The following PRKG1 variants were observed in gnomAD, a reference collection of about 807,000 sequenced individuals.
The protein encoded by PRKG1 is protein kinase cGMP-dependent 1.
In PRKG1, 35 loss-of-function variants were observed where a neutral mutation model predicts 88.1. That is an observed-to-expected ratio of 0.40 (90% CI 0.30 to 0.53). PRKG1 has a LOEUF of 0.53. Ranked by LOEUF, PRKG1 falls within the 20% of genes least tolerant of loss-of-function variation. The probability of loss-of-function intolerance (pLI) is 0.59; values close to 1 mark genes in which losing one functional copy is unlikely to be tolerated. For synonymous variants in PRKG1, 303 were observed against 292.5 expected (o/e 1.04, Z -0.37); for missense variants, 540 against 839.8 (o/e 0.64, Z 4.41).
At chr10:51,264,982 G>C (rs2132165808) in intron 2 of PRKG1, among the ~76,000 whole-genome samples, 1 of 152,148 alleles carries the variant, frequency 6.6e-6, no homozygotes, top group African/African-American at 2.4e-5. Flanking sequence ...TGAAAAATAA[G>C]ATAAGCTATA....
rs1053168344 is a variant in PRKG1 at position 52,174,843 on chromosome 10, A to G, written c.1076+12880A>G. On this transcript the variant is annotated intron_variant, in intron 9 of 17. Coordinates refer to ENST00000373980, the MANE Select transcript of PRKG1 (RefSeq NM_006258.4). ...TTTATATGATTTTATTTTTATCTAC[A>G]TTGTTATATCAATGCATCTTTATTT... Among the ~76,000 whole-genome samples, 5 of 152,136 alleles carry G rather than the reference A, an allele frequency of 3.3e-5. No homozygotes were observed. In the East Asian group the frequency reaches 5.8e-4, roughly 18 times the overall value.
chr10:51,628,118 A>G (rs7911336), intron 3 of PRKG1, among the ~76,000 whole-genome samples: 3 of 48,206 alleles, frequency 6.2e-5, no homozygotes. Flanking sequence ...TTCCTTCTTT[A>G]TTTCTCTTTC....
rs74706531 is a variant in PRKG1 at position 52,074,306 on chromosome 10, T to C, written c.935+11675T>C. On this transcript the variant is annotated intron_variant, in intron 7 of 17. Transcript: ENST00000373980. ...GCCCGCTTACATGAATGACTGTTTA[T>C]AGAAAAGGGATCAGCTTTTTATAGA... Among the ~76,000 whole-genome samples the C allele has an allele frequency of 1.8e-4, 27 of 152,324 alleles. No individual in the cohort carries two copies. The East Asian group carries it at 5.2e-3, about 29-fold the overall frequency.
intron 3 of PRKG1, among the ~76,000 whole-genome samples, chr10:51,509,313 G>A (rs1037048679): frequency 6.6e-6 from 1 of 152,136 alleles, no homozygotes; most frequent in African/African-American, 2.4e-5. Context: ...TGCAAGGAGT[G>A]ACTAATTTTT....
chr10:51,481,436 A>T (rs1302596018), intron 3 of PRKG1, among the ~76,000 whole-genome samples: 1 of 152,048 alleles, frequency 6.6e-6, no homozygotes, highest in African/African-American at 2.4e-5. Context: ...TTTTGTAAAG[A>T]CAAGGTTTCG....
At chr10:51,896,645 T>TAAAAAAAAA (rs10649150) in intron 4 of PRKG1, among the ~76,000 whole-genome samples, 34 of 95,002 alleles carry the variant, frequency 3.6e-4, no homozygotes, top group African/African-American at 1.0e-3. Context: ...CCCTGTCTCT[T>TAAAAAAAAA]AAAAAAAAAA....
intron 2 of PRKG1, among the ~76,000 whole-genome samples, chr10:51,407,228 A>C (rs2132679352): frequency 6.6e-6 from 1 of 152,298 alleles, no homozygotes. Context: ...ATTAACCATC[A>C]CAAGTCCACC....
intron 3 of PRKG1, among the ~76,000 whole-genome samples, chr10:51,600,660 CT>C (rs991560730): frequency 2.6e-5 from 4 of 151,994 alleles, no homozygotes; most frequent in African/African-American, 7.2e-5. Flanking sequence ...CATTTTAAAA[CT>C]TTTTTTCTAT....
chr10:52,003,526 T>C (rs967046054), intron 5 of PRKG1, among the ~76,000 whole-genome samples: 1 of 152,212 alleles, frequency 6.6e-6, no homozygotes, highest in African/African-American at 2.4e-5. Flanking sequence ...TTTGTCCTTT[T>C]CTTGCCCCTC....
intron 9 of PRKG1, among the ~76,000 whole-genome samples, chr10:52,180,867 T>G (rs1839005939): frequency 6.6e-6 from 1 of 152,134 alleles, no homozygotes; most frequent in South Asian, 2.1e-4. Context: ...CTGCCCAGGC[T>G]GGGGGCATGC....
chr10:52,050,500 T>C (rs1257872842), intron 5 of PRKG1, among the ~76,000 whole-genome samples: 1 of 152,172 alleles, frequency 6.6e-6, no homozygotes, highest in East Asian at 1.9e-4. Flanking sequence ...GAGAGCCTCT[T>C]AAAGAATCAG....
intron 8 of PRKG1, among the ~76,000 whole-genome samples, chr10:52,150,493 T>G (rs1837883846): frequency 6.6e-6 from 1 of 152,154 alleles, no homozygotes; most frequent in African/African-American, 2.4e-5. Context: ...TAGCTAGTAT[T>G]TTCATGTTTT....
intron 2 of PRKG1, among the ~76,000 whole-genome samples, chr10:51,426,101 C>A (rs2132716189): frequency 6.6e-6 from 1 of 152,128 alleles, no homozygotes; most frequent in South Asian, 2.1e-4. Context: ...CATGGTGAAA[C>A]CCTATCTCTA....
intron 7 of PRKG1, among the ~76,000 whole-genome samples, chr10:52,093,719 G>A (rs1056471861): frequency 2.8e-4 from 42 of 152,190 alleles, no homozygotes; most frequent in African/African-American, 9.9e-4. Flanking sequence ...CCATTTGTTA[G>A]TGTAGGTGTT....
chr10:51,181,366 C>T (rs907520835), intron 2 of PRKG1, among the ~76,000 whole-genome samples: 24 of 149,984 alleles, frequency 1.6e-4, no homozygotes, highest in African/African-American at 5.9e-4. Context: ...CTCAGCCTCC[C>T]GAGTAGCTGG....
chr10:51,283,662 T>C (rs2132207304), intron 2 of PRKG1, among the ~76,000 whole-genome samples: 1 of 152,238 alleles, frequency 6.6e-6, no homozygotes, highest in Non-Finnish European at 1.5e-5. Context: ...ACTGAGAGTA[T>C]CTTACACTGA....
At chr10:51,108,547 G>A (rs1303265407) in intron 1 of PRKG1, among the ~76,000 whole-genome samples, 1 of 152,088 alleles carries the variant, frequency 6.6e-6, no homozygotes, top group African/African-American at 2.4e-5. Flanking sequence ...CATCTCCATT[G>A]GCACAGAAAA....
At chr10:51,443,336 G>A (rs1157913179) in intron 2 of PRKG1, among the ~76,000 whole-genome samples, 1 of 151,914 alleles carries the variant, frequency 6.6e-6, no homozygotes, top group African/African-American at 2.4e-5. Context: ...ATACCATATG[G>A]CCTGCAAAAC....
At chr10:52,271,260 A>C in intron 10 of PRKG1, 90 bp from the exon 11 acceptor site, 1 of 1,359,862 alleles carries the variant, frequency 7.4e-7, no homozygotes. Context: ...AGGTTCATTT[A>C]AGTGCGCCAT....
Sources: gnomAD v4.1 joint callset for allele counts (sites outside exome capture counted in the v4.1 genomes callset) on GRCh38, gnomAD v4.1.1 for gene constraint, MANE v1.5 for transcripts, NCBI Gene and HGNC (gene_info 2026-07-23, HGNC 2026-07-21) for gene names.